The following NRXN3 variants were observed in gnomAD, a reference collection of about 807,000 sequenced individuals.
NRXN3 encodes neurexin III.
Under a neutral mutation model 137.6 loss-of-function variants are expected in NRXN3, and 32 were observed. The observed-to-expected ratio is 0.23, with a 90% CI of 0.18 to 0.31. The LOEUF (loss-of-function observed/expected upper bound fraction) is 0.31, where lower values mean the gene tolerates loss of function less well. Among genes scored for constraint, NRXN3 ranks in the 10% least tolerant of loss-of-function variants. NRXN3 has a pLI of 1.00. For synonymous variants in NRXN3, 798 were observed against 784.5 expected (o/e 1.02, Z -0.29); for missense variants, 1,574 against 2,062.5 (o/e 0.76, Z 4.59).
chr14:79,828,964 T>C (rs1313538389), intron 20 of NRXN3, among the ~76,000 whole-genome samples: 2 of 152,164 alleles, frequency 1.3e-5, no homozygotes, highest in East Asian at 1.9e-4. Flanking sequence ...AGATCAACTA[T>C]TGATCGATTT....
intron 16 of NRXN3, among the ~76,000 whole-genome samples, chr14:79,533,666 A>T (rs543542892): frequency 1.3e-5 from 2 of 152,188 alleles, no homozygotes; most frequent in Non-Finnish European, 2.9e-5. Context: ...AAATTTTGGC[A>T]TATTGATTGT....
At chr14:78,441,312 T>C (rs531341060) in intron 4 of NRXN3, among the ~76,000 whole-genome samples, 59 of 152,304 alleles carry the variant, frequency 3.9e-4, no homozygotes, top group African/African-American at 1.3e-3. Flanking sequence ...TAAATATGTC[T>C]TTTTAACCTC....
chr14:79,714,709 T>G (rs2098817554), intron 19 of NRXN3, among the ~76,000 whole-genome samples: 1 of 152,174 alleles, frequency 6.6e-6, no homozygotes, highest in Non-Finnish European at 1.5e-5. Context: ...AAAGTGTGAT[T>G]GTGTTTCTCT....
In NRXN3 at chr14:79,628,380, C is replaced by T. The variant is rs180997109; in HGVS notation, c.3445-35398C>T. On this transcript the variant is annotated intron_variant, in intron 16 of 20. Coordinates refer to ENST00000335750, the MANE Select transcript of NRXN3 (RefSeq NM_001330195.2). Reference sequence around the variant, plus strand: ...TCCTATGACATTTTTAAAGTATTTACTTTATTCTAGTATGTCCATTCTGTT... The same window carrying T: ...TCCTATGACATTTTTAAAGTATTTATTTTATTCTAGTATGTCCATTCTGTT... Among the ~76,000 whole-genome samples, 187 of 152,274 alleles carry T rather than the reference C, an allele frequency of 1.2e-3. 1 individual carries two copies. Among genetic ancestry groups the T allele is most frequent in the African/African-American group, 4.3e-3 (179 of 41,552 alleles).
At chr14:78,788,268 G>T (rs1040540643) in intron 8 of NRXN3, among the ~76,000 whole-genome samples, 3 of 14,866 alleles carry the variant, frequency 2.0e-4, no homozygotes, top group African/African-American at 4.0e-4. Context: ...TATACAACAT[G>T]TACTGAGCAT....
Position 79,772,740 on chromosome 14 carries a change from C to A in NRXN3, c.4015-32372C>A, listed in dbSNP as rs974957286. ...GGGCAAGGACTTCATGTCTAAAACA[C>A]CAAAAGCAATGGCAACCAAAGCCAA... On this transcript the variant is annotated intron_variant, in intron 19 of 20. Coordinates refer to ENST00000335750, the MANE Select transcript of NRXN3 (RefSeq NM_001330195.2). 6.6e-3 allele frequency among the ~76,000 whole-genome samples: 1,001 copies of A among 151,886 alleles called. 11 individuals carry two copies. The highest frequency in any genetic ancestry group is 0.011 in the Non-Finnish European group (771 of 67,908).
At chr14:78,560,764 T>C (rs530920795) in intron 4 of NRXN3, among the ~76,000 whole-genome samples, 1 of 152,320 alleles carries the variant, frequency 6.6e-6, no homozygotes, top group African/African-American at 2.4e-5. Context: ...GTGTTCAAGA[T>C]AACTTCATAG....
At chr14:78,215,741 T>TG (rs202098342) in intron 1 of NRXN3, among the ~76,000 whole-genome samples, 6 of 98,722 alleles carry the variant, frequency 6.1e-5, no homozygotes, top group Admixed American at 3.1e-4. Context: ...TCGTTTGTGC[T>TG]GGGGGGGTTT....
intron 15 of NRXN3, among the ~76,000 whole-genome samples, chr14:79,194,257 A>G (rs1021367282): frequency 1.3e-5 from 2 of 152,210 alleles, no homozygotes; most frequent in Admixed American, 1.3e-4. Flanking sequence ...GAATGATGGC[A>G]TACATATATC....
At chr14:78,766,877 T>C (rs1448245493) in intron 8 of NRXN3, among the ~76,000 whole-genome samples, 2 of 152,242 alleles carry the variant, frequency 1.3e-5, no homozygotes, top group African/African-American at 2.4e-5. Flanking sequence ...AAATTCATCA[T>C]GGAGCTAGCA....
At chr14:78,693,304 A>G (rs1431337791) in intron 6 of NRXN3, among the ~76,000 whole-genome samples, 2 of 151,760 alleles carry the variant, frequency 1.3e-5, no homozygotes, top group Non-Finnish European at 2.9e-5. Flanking sequence ...CTCCTTTTTC[A>G]TCATTACCAC....
At position 78,780,278 on chromosome 14, in the gene NRXN3, T is replaced by A. The variant is rs143546499; in HGVS notation, c.2045-23342T>A. ...ATATGGGAAAAAATGAAATTAGACT[T>A]CATTTTATATCACCCATGAAAATAA... is the stretch of plus-strand genomic sequence containing the variant. On this transcript the variant is annotated intron_variant, in intron 8 of 20. Transcript: ENST00000335750. Among the ~76,000 whole-genome samples the A allele has an allele frequency of 2.3e-3, 349 of 152,296 alleles. 1 individual carries two copies. The highest frequency in any genetic ancestry group is 4.0e-3 in the Non-Finnish European group (270 of 68,022).
chr14:79,193,871 C>A (rs1031304907), intron 15 of NRXN3, among the ~76,000 whole-genome samples: 2 of 152,180 alleles, frequency 1.3e-5, no homozygotes, highest in Non-Finnish European at 1.5e-5. Context: ...CTCTGACTAG[C>A]GCTGCCCTAC....
At chr14:79,471,194 G>C (rs1419104003) in intron 16 of NRXN3, among the ~76,000 whole-genome samples, 2 of 152,122 alleles carry the variant, frequency 1.3e-5, no homozygotes, top group African/African-American at 4.8e-5. Context: ...CCTGGGGTAA[G>C]CACCCACTCT....
At chr14:78,492,595 T>C (rs2095689359) in intron 4 of NRXN3, among the ~76,000 whole-genome samples, 1 of 152,142 alleles carries the variant, frequency 6.6e-6, no homozygotes. Context: ...TAAATGGGTG[T>C]TCACACACAC....
chr14:78,368,272 G>A (rs1203554312), intron 4 of NRXN3, among the ~76,000 whole-genome samples: 1 of 152,200 alleles, frequency 6.6e-6, no homozygotes, highest in Non-Finnish European at 1.5e-5. Context: ...GAAAGTAACT[G>A]CAGTTACTGA....
intron 15 of NRXN3, among the ~76,000 whole-genome samples, chr14:79,389,269 G>A (rs2094757755): frequency 6.6e-6 from 1 of 152,202 alleles, no homozygotes; most frequent in Admixed American, 6.5e-5. Flanking sequence ...CAGTTGGGTG[G>A]CATCTGGCAA....
intron 4 of NRXN3, among the ~76,000 whole-genome samples, chr14:78,381,718 G>A (rs536640070): frequency 1.3e-5 from 2 of 152,094 alleles, no homozygotes; most frequent in African/African-American, 4.8e-5. Context: ...ACAAACCATG[G>A]TACATCTATA....
intron 20 of NRXN3, among the ~76,000 whole-genome samples, chr14:79,845,004 A>G (rs1315534922): frequency 6.6e-6 from 1 of 152,160 alleles, no homozygotes; most frequent in East Asian, 1.9e-4. Flanking sequence ...CTTCTACATT[A>G]GAACTCGCTG....
Sources: allele counts gnomAD v4.1 joint callset (sites outside exome capture counted in the v4.1 genomes callset), GRCh38; gene constraint gnomAD v4.1.1; transcripts MANE v1.5; gene names NCBI Gene and HGNC (gene_info 2026-07-23, HGNC 2026-07-21).